The following WWOX variants were observed in gnomAD, a reference collection of about 807,000 sequenced individuals.
WWOX encodes the protein WW domain containing oxidoreductase, also known as WW domain-containing oxidoreductase.
In WWOX, 69 loss-of-function variants were observed where a neutral mutation model predicts 46.2. The observed-to-expected ratio is 1.49, with a 90% CI of 1.23 to 1.82. The LOEUF is 1.82. Among genes scored for constraint, WWOX ranks in the 40% most tolerant of loss-of-function variants. The pLI is 0.00. For missense variants in WWOX, 919 were observed against 542.6 expected, an observed-to-expected ratio of 1.69 and a Z score of -6.89; for synonymous variants, 359 against 202.6, an observed-to-expected ratio of 1.77 and a Z score of -6.56.
chr16:78,258,247 A>C (rs1478666222), intron 5 of WWOX, among the ~76,000 whole-genome samples: 1 of 152,076 alleles, frequency 6.6e-6, no homozygotes, highest in Non-Finnish European at 1.5e-5. Context: ...AAAAAATTCC[A>C]CTGTTTATTT....
chr16:78,121,413 A>G (rs2033085890), intron 4 of WWOX, among the ~76,000 whole-genome samples: 1 of 152,186 alleles, frequency 6.6e-6, no homozygotes, highest in Non-Finnish European at 1.5e-5. Flanking sequence ...GAGAATTAGT[A>G]CCTTATGACT....
intron 8 of WWOX, among the ~76,000 whole-genome samples, chr16:78,669,407 A>T (rs908602871): frequency 1.3e-5 from 2 of 152,182 alleles, no homozygotes; most frequent in Middle Eastern, 3.2e-3. Context: ...TCCCCAGGGG[A>T]TGTTTTTACA....
At chr16:79,109,234 C>T (rs2049369564) in intron 8 of WWOX, among the ~76,000 whole-genome samples, 1 of 152,210 alleles carries the variant, frequency 6.6e-6, no homozygotes, top group African/African-American at 2.4e-5. Context: ...TGCCGCTGTC[C>T]TCCTAATCCA....
At chr16:78,314,715 T>G (rs1409587301) in intron 5 of WWOX, among the ~76,000 whole-genome samples, 3 of 142,984 alleles carry the variant, frequency 2.1e-5, no homozygotes, top group Non-Finnish European at 4.6e-5. Context: ...TTTTTTTTTT[T>G]TTTTTTCTGT....
At chr16:78,741,124 C>T (rs775851945) in intron 8 of WWOX, among the ~76,000 whole-genome samples, 3 of 152,140 alleles carry the variant, frequency 2.0e-5, no homozygotes, top group African/African-American at 4.8e-5. Context: ...TTAGGAACTG[C>T]CTAGCGCCAC....
At chr16:78,420,452 A>G (rs115381043) in intron 6 of WWOX, among the ~76,000 whole-genome samples, 263 of 152,294 alleles carry the variant, frequency 1.7e-3, no homozygotes, top group African/African-American at 6.2e-3. Context: ...GAAATGGATT[A>G]CTGATATATG....
intron 8 of WWOX, among the ~76,000 whole-genome samples, chr16:78,784,596 T>C (rs189778970): frequency 6.6e-6 from 1 of 152,270 alleles, no homozygotes; most frequent in Admixed American, 6.5e-5. Context: ...CAAAGAGCTG[T>C]TTTAAAGATT....
At chr16:78,957,257 T>C (rs749327742) in intron 8 of WWOX, among the ~76,000 whole-genome samples, 10 of 152,230 alleles carry the variant, frequency 6.6e-5, no homozygotes, top group Non-Finnish European at 1.0e-4. Context: ...GAAATAATTA[T>C]TTTGAGATAC....
chr16:78,948,767 A>G (rs1480244737), intron 8 of WWOX, among the ~76,000 whole-genome samples: 2 of 152,152 alleles, frequency 1.3e-5, no homozygotes, highest in East Asian at 1.9e-4. Flanking sequence ...GTGTTACGTA[A>G]CATGACAAAA....
chr16:79,088,073 T>A (rs1259647023), intron 8 of WWOX, among the ~76,000 whole-genome samples: 2 of 152,174 alleles, frequency 1.3e-5, no homozygotes. Context: ...TTGAGCCCTC[T>A]GTATAGTGTG....
intron 8 of WWOX, among the ~76,000 whole-genome samples, chr16:78,953,679 G>T (rs889374952): frequency 1.3e-5 from 2 of 152,056 alleles, no homozygotes. Flanking sequence ...CAAGCATTTC[G>T]GTAGGCAGTG....
chr16:79,150,479 C>T (rs780093385), intron 8 of WWOX, among the ~76,000 whole-genome samples: 1 of 152,072 alleles, frequency 6.6e-6, no homozygotes, highest in Non-Finnish European at 1.5e-5. Flanking sequence ...TCTATGTCCC[C>T]AATATAGGGA....
intron 5 of WWOX, among the ~76,000 whole-genome samples, chr16:78,178,883 T>A (rs1424813487): frequency 6.7e-6 from 1 of 148,278 alleles, no homozygotes; most frequent in African/African-American, 2.5e-5. Flanking sequence ...AAAAAAGTAA[T>A]CATTTTAGAA....
chr16:78,839,589 A>G (rs2052083595), intron 8 of WWOX, among the ~76,000 whole-genome samples: 1 of 152,314 alleles, frequency 6.6e-6, no homozygotes, highest in South Asian at 2.1e-4. Flanking sequence ...AATGAACTGC[A>G]TCCCAGCCTG....
rs1487548388 is a variant in WWOX at position 78,699,054 on chromosome 16, G to T, written c.1056+266302G>T. ...ATAGTGTTTCTAGCTTTGCAGTTCA[G>T]ATGGTGTGTGTTACAACTGTTCAGC... On this transcript the variant is annotated intron_variant, in intron 8 of 8. Coordinates refer to ENST00000566780, the MANE Select transcript of WWOX (RefSeq NM_016373.4). 2.6e-5 allele frequency among the ~76,000 whole-genome samples: 4 copies of T among 152,134 alleles called. No individual in the cohort carries two copies. In the East Asian group the frequency reaches 7.7e-4, roughly 29 times the overall value.
chr16:78,680,726 G>T (rs768098357), intron 8 of WWOX, among the ~76,000 whole-genome samples: 2 of 152,168 alleles, frequency 1.3e-5, no homozygotes, highest in African/African-American at 4.8e-5. Context: ...CAGAAAGAAC[G>T]TTTCCGTGAC....
At chr16:78,252,432 G>A (rs899502402) in intron 5 of WWOX, among the ~76,000 whole-genome samples, 2 of 152,182 alleles carry the variant, frequency 1.3e-5, no homozygotes. Flanking sequence ...ACGTGGGTAT[G>A]TATATACATA....
intron 8 of WWOX, among the ~76,000 whole-genome samples, chr16:78,854,586 C>CT (rs1046420969): frequency 1.3e-5 from 2 of 152,002 alleles, no homozygotes; most frequent in African/African-American, 4.8e-5. Flanking sequence ...TAATTTGTTT[C>CT]TTTTTTTTCT....
intron 8 of WWOX, among the ~76,000 whole-genome samples, chr16:78,593,916 A>G (rs1005657303): frequency 3.9e-4 from 60 of 152,266 alleles, no homozygotes; most frequent in Admixed American, 2.0e-3. Flanking sequence ...TTCTTTAGCA[A>G]TTGGAGTTGG....
Sources: allele counts gnomAD v4.1 joint callset (sites outside exome capture counted in the v4.1 genomes callset), GRCh38; gene constraint gnomAD v4.1.1; transcripts MANE v1.5; gene names NCBI Gene and HGNC (gene_info 2026-07-23, HGNC 2026-07-21).